Variants in MARK1 observed in about 807,000 individuals in gnomAD.
The protein encoded by MARK1 is serine/threonine-protein kinase MARK1.
Under a neutral mutation model 96.3 loss-of-function variants are expected in MARK1, and 40 were observed. The ratio of observed to expected loss-of-function variants is 0.42; its 90% CI spans 0.32 to 0.54. The LOEUF is 0.54. MARK1 is among the 20% of genes least tolerant of loss of function. MARK1 has a pLI of 0.16. For synonymous variants in MARK1, 317 were observed against 341.2 expected (o/e 0.93, Z 0.78); for missense variants, 719 against 984.6 (o/e 0.73, Z 3.61).
At chr1:220,535,726 C>CAT (rs1417399310) in intron 1 of MARK1, among the ~76,000 whole-genome samples, 4 of 151,960 alleles carry the variant, frequency 2.6e-5, no homozygotes, top group East Asian at 3.9e-4. Context: ...CATTCTTTTG[C>CAT]ATATATATAT....
At chr1:220,572,805 T>C (rs1350222931) in intron 1 of MARK1, among the ~76,000 whole-genome samples, 2 of 152,216 alleles carry the variant, frequency 1.3e-5, no homozygotes, top group African/African-American at 2.4e-5. Flanking sequence ...ATTGTTACTT[T>C]CATTTCTTTA....
chr1:220,554,977 C>G (rs965098934), intron 1 of MARK1, among the ~76,000 whole-genome samples: 1 of 152,120 alleles, frequency 6.6e-6, no homozygotes. Context: ...TTGTCCTTTC[C>G]CAGTGTAATA....
intron 1 of MARK1, among the ~76,000 whole-genome samples, chr1:220,578,180 G>A (rs1340004944): frequency 1.3e-5 from 2 of 152,088 alleles, no homozygotes; most frequent in Non-Finnish European, 2.9e-5. Flanking sequence ...CTCTTCTTCA[G>A]CAATTTTTTA....
At chr1:220,547,241 A>G (rs1433608704) in intron 1 of MARK1, among the ~76,000 whole-genome samples, 1 of 152,230 alleles carries the variant, frequency 6.6e-6, no homozygotes, top group Non-Finnish European at 1.5e-5. Flanking sequence ...TATTGCCTAA[A>G]TACCAAGAAC....
At chr1:220,588,728 A>AAT (rs1415483051) in intron 3 of MARK1, among the ~76,000 whole-genome samples, 1 of 152,066 alleles carries the variant, frequency 6.6e-6, no homozygotes. Context: ...ACATAGATAA[A>AAT]ATATATATAT....
In MARK1 at chr1:220,650,608, T is replaced by C. The variant is rs1191917455; in HGVS notation, c.1471-12T>C. The stretch of plus-strand genomic sequence containing the variant: ...TTATAATTTTTTAATTGCCTTTTTT[T>C]TATTCTTGAAGAACAATGTGTATTC... On this transcript the variant is annotated splice_polypyrimidine_tract_variant and intron_variant, in intron 13 of 17. Transcript: ENST00000366917. The C allele has an allele frequency of 7.8e-6, 12 of 1,542,856 alleles. No homozygotes were observed. The highest frequency in any genetic ancestry group is 1.1e-5 in the Non-Finnish European group (12 of 1,123,338).
intron 3 of MARK1, among the ~76,000 whole-genome samples, chr1:220,588,664 C>T (rs1664804669): frequency 6.6e-6 from 1 of 152,148 alleles, no homozygotes. Context: ...AAGGAAATGA[C>T]ATGATGATCC....
chr1:220,577,536 C>T (rs1487974936), intron 1 of MARK1, among the ~76,000 whole-genome samples: 1 of 152,170 alleles, frequency 6.6e-6, no homozygotes, highest in South Asian at 2.1e-4. Context: ...ACCTGGAAAA[C>T]TTGTTGAAAT....
At chr1:220,657,676 C>T (rs978477099) in intron 16 of MARK1, 114 bp from the exon 17 acceptor site, 2 of 654,960 alleles carry the variant, frequency 3.1e-6, no homozygotes, top group Non-Finnish European at 5.0e-6. Context: ...TAATAGAAAA[C>T]TGTCATGGTA....
intron 1 of MARK1, among the ~76,000 whole-genome samples, chr1:220,561,922 A>C (rs1662693258): frequency 6.6e-6 from 1 of 152,184 alleles, no homozygotes; most frequent in African/African-American, 2.4e-5. Context: ...TTGTTTGTCA[A>C]GTATGTGGGG....
At chr1:220,536,584 CTT>C (rs1490972927) in intron 1 of MARK1, among the ~76,000 whole-genome samples, 1 of 148,468 alleles carries the variant, frequency 6.7e-6, no homozygotes, top group Non-Finnish European at 1.5e-5. Context: ...GAGATGGAGT[CTT>C]ATTCTTTCAC....
intron 1 of MARK1, among the ~76,000 whole-genome samples, chr1:220,530,978 G>A (rs1340475267): frequency 6.6e-6 from 1 of 152,166 alleles, no homozygotes; most frequent in African/African-American, 2.4e-5. Flanking sequence ...GGATATAGAA[G>A]TAGTGTTTAA....
chr1:220,535,924 G>A (rs1031230562), intron 1 of MARK1, among the ~76,000 whole-genome samples: 3 of 152,102 alleles, frequency 2.0e-5, no homozygotes, highest in Admixed American at 2.0e-4. Context: ...TTTGTAATAT[G>A]TTTTGAAGCC....
chr1:220,574,250 G>GC (rs1663679136), intron 1 of MARK1, among the ~76,000 whole-genome samples: 1 of 152,218 alleles, frequency 6.6e-6, no homozygotes, highest in Non-Finnish European at 1.5e-5. Flanking sequence ...AATTCAGCCT[G>GC]CGTTGTGGTG....
chr1:220,647,955 C>T (rs1450282012), intron 13 of MARK1, among the ~76,000 whole-genome samples: 2 of 151,848 alleles, frequency 1.3e-5, no homozygotes, highest in African/African-American at 4.8e-5. Flanking sequence ...GGCTTAATAC[C>T]TAGGTGACAG....
chr1:220,639,436 T>C (rs1302181557), intron 13 of MARK1, among the ~76,000 whole-genome samples: 1 of 152,214 alleles, frequency 6.6e-6, no homozygotes, highest in African/African-American at 2.4e-5. Flanking sequence ...TTTTAATAGA[T>C]GCATATTATT....
intron 9 of MARK1, chr1:220,626,289 G>A: frequency 1.9e-6 from 1 of 536,974 alleles, no homozygotes; most frequent in South Asian, 1.5e-5. Flanking sequence ...GGATGGAAGA[G>A]GCCTTCTATA....
At chr1:220,636,434 G>A (rs1169341408) in intron 13 of MARK1, among the ~76,000 whole-genome samples, 1 of 152,004 alleles carries the variant, frequency 6.6e-6, no homozygotes, top group Non-Finnish European at 1.5e-5. Flanking sequence ...ATGGGAACTA[G>A]AAGAAGATGC....
chr1:220,548,765 AT>A (rs750655674), intron 1 of MARK1, among the ~76,000 whole-genome samples: 1 of 152,146 alleles, frequency 6.6e-6, no homozygotes, highest in Non-Finnish European at 1.5e-5. Flanking sequence ...CAGAAAAAAA[AT>A]ATAATAATAA....
Sources: allele counts gnomAD v4.1 joint callset (sites outside exome capture counted in the v4.1 genomes callset), GRCh38; gene constraint gnomAD v4.1.1; transcripts MANE v1.5; gene names NCBI Gene and HGNC (gene_info 2026-07-23, HGNC 2026-07-21).